Variants in FAM170A observed in about 807,000 individuals in gnomAD.
The protein encoded by FAM170A is family with sequence similarity 170 member A.
Under a neutral mutation model 36.6 loss-of-function variants are expected in FAM170A, and 28 were observed. The ratio of observed to expected loss-of-function variants is 0.76; its 90% confidence interval spans 0.57 to 1.05. FAM170A has a LOEUF of 1.05. FAM170A is among the 50% of genes least tolerant of loss of function. FAM170A has a pLI of 0.00. For synonymous variants in FAM170A, 156 were observed against 143.9 expected, an observed-to-expected ratio of 1.08 and a Z score of -0.60; for missense variants, 434 against 396.5, an observed-to-expected ratio of 1.09 and a Z score of -0.80.
exon 3 of FAM170A, chr5:119,634,649 G>T (rs1340633894): frequency 6.2e-7 from 1 of 1,604,142 alleles, no homozygotes. Flanking sequence ...GGAGGAGGAG[G>T]GGCAGCCCAC....
At chr5:119,632,058 C>G (rs1297059940) in intron 1 of FAM170A, among the ~76,000 whole-genome samples, 1 of 152,142 alleles carries the variant, frequency 6.6e-6, no homozygotes, top group African/African-American at 2.4e-5. Flanking sequence ...ACGGGACATA[C>G]TTACGCTAAA....
chr5:119,632,748 G>A (rs1756280593), exon 2 of FAM170A: 2 of 1,584,990 alleles, frequency 1.3e-6, no homozygotes, highest in Non-Finnish European at 1.7e-6. Context: ...CCTTTCTCAG[G>A]AATGTCAAAG....
intron 3 of FAM170A, 132 bp downstream of exon 3, chr5:119,634,866 G>A: frequency 8.2e-7 from 1 of 1,226,894 alleles, no homozygotes; most frequent in Non-Finnish European, 1.2e-6. Flanking sequence ...AACAATGGAG[G>A]GGGACATAAC....
intron 4 of FAM170A, among the ~76,000 whole-genome samples, chr5:119,635,494 G>C (rs1448273266): frequency 6.6e-6 from 1 of 152,188 alleles, no homozygotes; most frequent in Non-Finnish European, 1.5e-5. Flanking sequence ...GGAATTTGGA[G>C]AGGTAACAAC....
At chr5:119,633,854 A>C in intron 2 of FAM170A, 106 bp from the exon 3 acceptor site, 2 of 1,402,670 alleles carry the variant, frequency 1.4e-6, no homozygotes, top group East Asian at 2.3e-5. Flanking sequence ...ACACAGCTGC[A>C]TCTCACCACA....
At chr5:119,632,948 A>C in intron 2 of FAM170A, 60 bp downstream of exon 2, 3 of 1,501,630 alleles carry the variant, frequency 2.0e-6, no homozygotes, top group Non-Finnish European at 2.7e-6. Context: ...ATTGGGCATG[A>C]AAATATTTGA....
intron 2 of FAM170A, among the ~76,000 whole-genome samples, chr5:119,633,256 C>T (rs953646023): frequency 6.6e-6 from 1 of 152,094 alleles, no homozygotes; most frequent in Admixed American, 6.6e-5. Context: ...TAAGAAGAAA[C>T]CCAGGGCAGT....
At chr5:119,632,772 C>T in exon 2 of FAM170A, 1 of 1,606,396 alleles carries the variant, frequency 6.2e-7, no homozygotes, top group African/African-American at 1.3e-5. Flanking sequence ...CAAGAGGATG[C>T]CCTGCAGCCT....
At chr5:119,634,727 G>T in exon 3 of FAM170A, 1 of 1,535,760 alleles carries the variant, frequency 6.5e-7, no homozygotes, top group Non-Finnish European at 8.7e-7. Context: ...TTCTCCAAAG[G>T]ACAGGAAGTG....
chr5:119,634,385 C>G (rs750193842), exon 3 of FAM170A: 36 of 1,614,034 alleles, frequency 2.2e-5, no homozygotes, highest in Admixed American at 3.3e-5. Context: ...TGAGGACACA[C>G]CCAGAGCCAA....
chr5:119,634,279 C>T (rs531045550), exon 3 of FAM170A: 5 of 1,614,160 alleles, frequency 3.1e-6, no homozygotes, highest in African/African-American at 2.7e-5. Context: ...CTGATGTGTC[C>T]ACCAGAAACC....
chr5:119,634,694 C>G lies in FAM170A; in HGVS notation c.946C>G (p.Gln316Glu), dbSNP rs779212772. ...CCTTGGCCTGAGGAGATCCTGGAGC[C>G]AATGTCCAGGCTGTGTGTTTCATTC... The change falls in exon 3 of 5, where the codon CAA becomes GAA. Residue 316 changes from glutamine to glutamate, a missense_variant. Coordinates refer to ENST00000613773, the Ensembl canonical transcript of FAM170A. 5.8e-6 allele frequency: 9 copies of G among 1,560,018 alleles called. No individual in the cohort carries two copies. In the African/African-American group the frequency reaches 8.2e-5, roughly 14 times the overall value.
chr5:119,635,051 G>C (rs764434195), exon 4 of FAM170A: 1 of 1,613,860 alleles, frequency 6.2e-7, no homozygotes, highest in African/African-American at 1.3e-5. Flanking sequence ...TGGGCCAGAA[G>C]ATACTGGAAG....
rs775813713 is a variant in FAM170A, at chr5:119,634,189, A to C, written c.441A>C (p.Glu147Asp). ...TGGCTGTCTCCTGGGAGACAGAGGA[A>C]ACTTTGGAGTCCTTAGAAAAGCAGC... is the stretch of plus-strand genomic sequence containing the variant. The change falls in exon 3 of 5, where the codon GAA (glutamate) becomes GAC (aspartate). Residue 147 changes from glutamate (E) to aspartate (D), a missense_variant. By Grantham distance (45) the Glu-to-Asp change is conservative. Transcript: ENST00000613773. 1.9e-6 allele frequency: 3 copies of C among 1,614,104 alleles called. No individual in the cohort carries two copies. Among genetic ancestry groups the C allele is most frequent in the Non-Finnish European group, 2.5e-6 (3 of 1,180,046 alleles).
chr5:119,634,999 T>G, intron 3 of FAM170A, 29 bp from the exon 4 acceptor site: 1 of 1,613,688 alleles, frequency 6.2e-7, no homozygotes, highest in Non-Finnish European at 8.5e-7. Context: ...AACTAAGAAG[T>G]GTCTTTCTTT....
chr5:119,633,337 G>A (rs549644498), intron 2 of FAM170A, among the ~76,000 whole-genome samples: 1 of 152,134 alleles, frequency 6.6e-6, no homozygotes, highest in Non-Finnish European at 1.5e-5. Context: ...ATGGATATAA[G>A]CTCAGTGTAG....
At chr5:119,630,693 C>T (rs1756230530) in intron 1 of FAM170A, among the ~76,000 whole-genome samples, 1 of 152,174 alleles carries the variant, frequency 6.6e-6, no homozygotes, top group African/African-American at 2.4e-5. Context: ...ATGCCAGTCT[C>T]AGGCAGGCGG....
At chr5:119,633,009 G>A (rs1561524145) in intron 2 of FAM170A, 121 bp downstream of exon 2, 2 of 1,176,454 alleles carry the variant, frequency 1.7e-6, no homozygotes, top group African/African-American at 1.5e-5. Flanking sequence ...CTGCTTGGGT[G>A]TAAGACTCTT....
In FAM170A at chr5:119,632,799, C is replaced by T; in HGVS notation, c.122C>T (p.Ala41Val). The change falls in exon 2 of 5, where the codon GCC (alanine) becomes GTC (valine). Residue 41 changes from alanine to valine, a missense_variant. Ala to Val is a moderately conservative substitution (Grantham distance 64). Transcript: ENST00000613773. The stretch of plus-strand genomic sequence containing the variant: ...CTGCAGCCTGGATCCACTAGAGTGG[C>T]CAAAGGCTGGAGCCAAGGGGTGGGA... 2 of 1,612,732 alleles carry T rather than the reference C, an allele frequency of 1.2e-6. No individual in the cohort carries two copies. The highest frequency in any genetic ancestry group is 1.7e-6 in the Non-Finnish European group (2 of 1,178,978).
Sources: allele counts gnomAD v4.1 joint callset (sites outside exome capture counted in the v4.1 genomes callset), GRCh38; gene constraint gnomAD v4.1.1; transcripts MANE v1.5; gene names NCBI Gene and HGNC (gene_info 2026-07-23, HGNC 2026-07-21).